BTRC: variants seen among roughly 807,000 people sequenced by gnomAD.
The protein encoded by BTRC is beta-transducin repeat containing E3 ubiquitin protein ligase, also known as F-box/WD repeat-containing protein 1A.
A neutral mutation model predicts 85.5 loss-of-function variants in BTRC; 42 were observed. That is an observed-to-expected ratio of 0.49 (90% CI 0.38 to 0.64). The LOEUF is 0.64. BTRC is among the 30% of genes least tolerant of loss of function. BTRC has a pLI of 0.00. For missense variants in BTRC, 594 were observed against 743.5 expected (o/e 0.80, Z 2.34); for synonymous variants, 255 against 263.3 (o/e 0.97, Z 0.30).
chr10:101,450,251 C>G (rs542795625), intron 2 of BTRC, among the ~76,000 whole-genome samples: 26 of 152,154 alleles, frequency 1.7e-4, no homozygotes, highest in Admixed American at 3.3e-4. Flanking sequence ...CTCCTATTCA[C>G]AAAACAGATA....
At chr10:101,408,266 A>G (rs891768409) in intron 1 of BTRC, among the ~76,000 whole-genome samples, 1 of 151,640 alleles carries the variant, frequency 6.6e-6, no homozygotes, top group South Asian at 2.1e-4. Flanking sequence ...TTTGCTATTT[A>G]TTTGTTTTTT....
At chr10:101,396,920 A>G (rs1034227074) in intron 1 of BTRC, among the ~76,000 whole-genome samples, 2 of 151,540 alleles carry the variant, frequency 1.3e-5, no homozygotes, top group African/African-American at 2.4e-5. Context: ...CTCCTGCCTC[A>G]GCCTCCAAAG....
chr10:101,366,967 A>ATATTT (rs1301633409), intron 1 of BTRC, among the ~76,000 whole-genome samples: 2 of 30,024 alleles, frequency 6.7e-5, no homozygotes, highest in Admixed American at 7.0e-4. Context: ...TATTTATATA[A>ATATTT]ATATATATTT....
upstream of BTRC, chr10:101,354,075 G>A: frequency 1.5e-6 from 2 of 1,353,066 alleles, no homozygotes; most frequent in Non-Finnish European, 2.1e-6. Context: ...AGGTAAGAGA[G>A]GGCGGGGGGA....
At chr10:101,539,472 C>G (rs915197704) in intron 13 of BTRC, among the ~76,000 whole-genome samples, 3 of 152,204 alleles carry the variant, frequency 2.0e-5, no homozygotes, top group African/African-American at 7.2e-5. Context: ...GGGTCTTCCT[C>G]TGTCACCCAG....
chr10:101,499,004 C>A (rs2134284007), intron 4 of BTRC, among the ~76,000 whole-genome samples: 2 of 151,138 alleles, frequency 1.3e-5, no homozygotes, highest in Middle Eastern at 3.4e-3. Context: ...AAAAAAAAAA[C>A]AGAAAAAAAT....
At chr10:101,438,654 G>A (rs990762433) in intron 2 of BTRC, among the ~76,000 whole-genome samples, 1 of 152,086 alleles carries the variant, frequency 6.6e-6, no homozygotes, top group Non-Finnish European at 1.5e-5. Flanking sequence ...CTTTATATGA[G>A]CCATTGTTTG....
At chr10:101,368,726 G>A (rs759597797) in intron 1 of BTRC, among the ~76,000 whole-genome samples, 3 of 151,956 alleles carry the variant, frequency 2.0e-5, no homozygotes, top group East Asian at 1.9e-4. Flanking sequence ...ACTTAATATC[G>A]TCTTTTTTGA....
intron 1 of BTRC, among the ~76,000 whole-genome samples, chr10:101,397,340 A>C (rs1943389779): frequency 6.6e-6 from 1 of 152,222 alleles, no homozygotes; most frequent in Admixed American, 6.5e-5. Flanking sequence ...CAGTTGTGGA[A>C]ATGATTAAAG....
chr10:101,363,309 G>C (rs1942264709), intron 1 of BTRC, among the ~76,000 whole-genome samples: 1 of 152,290 alleles, frequency 6.6e-6, no homozygotes, highest in African/African-American at 2.4e-5. Flanking sequence ...CTTACGTGCA[G>C]TATACTTCCT....
rs1554862295 is a variant in BTRC, at chr10:101,366,949, T to TATATATATTTATATATTA, written c.48+12729_48+12730insTTATATATTAATATATAT. 7.3e-4 allele frequency among the ~76,000 whole-genome samples: 29 copies of TATATATATTTATATATTA among 39,496 alleles called. 5 individuals carry two copies. The highest frequency in any genetic ancestry group is 5.6e-3 in the East Asian group (11 of 1,952). 25.9% of individuals were successfully genotyped at this position (39,496 alleles called of 152,430 possible). Reference sequence around the variant, plus strand: ...ATATTTATATATATTTATATATATTTATATATATATTTATATAAATATATA... The same window carrying TATATATATTTATATATTA: ...ATATTTATATATATTTATATATATTTATATATATTTATATATTAATATATATATTTATATAAATATATA... On this transcript the variant is annotated intron_variant, in intron 1 of 14. Transcript: ENST00000370187.
intron 1 of BTRC, among the ~76,000 whole-genome samples, chr10:101,428,304 C>A (rs1944313036): frequency 6.6e-6 from 1 of 152,146 alleles, no homozygotes; most frequent in Non-Finnish European, 1.5e-5. Flanking sequence ...GTCAGATTGA[C>A]AGAGTGCTTG....
intron 13 of BTRC, among the ~76,000 whole-genome samples, chr10:101,541,549 C>G (rs187981658): frequency 1.2e-4 from 18 of 152,242 alleles, no homozygotes; most frequent in Middle Eastern, 3.4e-3. Context: ...CGTGAACCAC[C>G]GCGCCCGGCC....
At chr10:101,481,296 T>C (rs1205167683) in intron 4 of BTRC, among the ~76,000 whole-genome samples, 1 of 152,192 alleles carries the variant, frequency 6.6e-6, no homozygotes, top group Non-Finnish European at 1.5e-5. Context: ...TACACAGTTA[T>C]TTGGGCCTTT....
At chr10:101,525,892 C>T (rs1174046485) in intron 5 of BTRC, 121 bp from the exon 6 acceptor site, 4 of 947,298 alleles carry the variant, frequency 4.2e-6, no homozygotes, top group African/African-American at 3.3e-5. Context: ...CTGGACCACA[C>T]TAGGGACAAT....
chr10:101,382,563 A>G (rs1018394766), intron 1 of BTRC, among the ~76,000 whole-genome samples: 1 of 152,044 alleles, frequency 6.6e-6, no homozygotes, highest in Non-Finnish European at 1.5e-5. Flanking sequence ...AAGGCATATA[A>G]TGTCAGTTTG....
intron 5 of BTRC, among the ~76,000 whole-genome samples, chr10:101,522,364 AAAC>A (rs1279915565): frequency 6.8e-5 from 5 of 73,030 alleles, no homozygotes; most frequent in Non-Finnish European, 1.4e-4. Flanking sequence ...AAAAAAAAAA[AAAC>A]AAAAAAAAAC....
chr10:101,357,212 G>A (rs1464470069), intron 1 of BTRC, among the ~76,000 whole-genome samples: 3 of 151,868 alleles, frequency 2.0e-5, no homozygotes, highest in African/African-American at 7.3e-5. Flanking sequence ...GGAGGCTGAG[G>A]CGGGCGGAAC....
chr10:101,427,530 T>C (rs11191005), intron 1 of BTRC, among the ~76,000 whole-genome samples: 54,511 of 149,040 alleles, frequency 0.37, 11,188 homozygotes, highest in Middle Eastern at 0.49. Context: ...TTACTTTCTT[T>C]TCTTTCTTCT....
Sources: allele counts gnomAD v4.1 joint callset (sites outside exome capture counted in the v4.1 genomes callset), GRCh38; gene constraint gnomAD v4.1.1; transcripts MANE v1.5; gene names NCBI Gene and HGNC (gene_info 2026-07-23, HGNC 2026-07-21).